Variants in MTUS2 observed in about 807,000 individuals in gnomAD.
The protein encoded by MTUS2 is microtubule associated scaffold protein 2, also known as microtubule-associated tumor suppressor candidate 2.
In MTUS2, 40 loss-of-function variants were observed where a neutral mutation model predicts 114.1. The ratio of observed to expected loss-of-function variants is 0.35; its 90% confidence interval spans 0.27 to 0.46. The LOEUF (loss-of-function observed/expected upper bound fraction) is 0.46. Among genes scored for constraint, MTUS2 ranks in the 20% least tolerant of loss-of-function variants. The pLI is 1.00. For missense variants in MTUS2, 1,679 were observed against 1,705.4 expected (o/e 0.98, Z 0.27); for synonymous variants, 688 against 672.0 (o/e 1.02, Z -0.37).
At chr13:28,847,332 G>GT (rs1214215616) in intron 2 of MTUS2, among the ~76,000 whole-genome samples, 1 of 152,104 alleles carries the variant, frequency 6.6e-6, no homozygotes, top group Non-Finnish European at 1.5e-5. Context: ...TGGAGTATAA[G>GT]TTTTTGCCTC....
At chr13:28,997,511 T>G (rs915924880) in intron 2 of MTUS2, among the ~76,000 whole-genome samples, 1 of 152,202 alleles carries the variant, frequency 6.6e-6, no homozygotes, top group South Asian at 2.1e-4. Flanking sequence ...CCCATTATTA[T>G]TGTTTGGGAG....
At chr13:29,035,403 G>A (rs894523194) in intron 4 of MTUS2, among the ~76,000 whole-genome samples, 1 of 152,156 alleles carries the variant, frequency 6.6e-6, no homozygotes, top group Non-Finnish European at 1.5e-5. Flanking sequence ...GGAGACCAGG[G>A]AGCTTTAGAG....
At chr13:29,037,508 G>A (rs1593408063) in intron 4 of MTUS2, among the ~76,000 whole-genome samples, 1 of 152,132 alleles carries the variant, frequency 6.6e-6, no homozygotes. Context: ...CTCTTCTTGA[G>A]GAGTATCTTT....
intron 8 of MTUS2, among the ~76,000 whole-genome samples, chr13:29,390,190 A>G (rs1169250656): frequency 6.6e-6 from 1 of 150,390 alleles, no homozygotes; most frequent in Non-Finnish European, 1.5e-5. Flanking sequence ...ATGAATATAT[A>G]TTTTTTCTAA....
intron 4 of MTUS2, among the ~76,000 whole-genome samples, chr13:29,050,177 G>A (rs1887825520): frequency 6.6e-6 from 1 of 152,074 alleles, no homozygotes; most frequent in Admixed American, 6.5e-5. Flanking sequence ...AACCCAAAAA[G>A]TGTTTTCTTT....
intron 2 of MTUS2, among the ~76,000 whole-genome samples, chr13:28,996,494 T>G (rs1348997181): frequency 2.6e-5 from 4 of 152,332 alleles, no homozygotes; most frequent in South Asian, 4.1e-4. Flanking sequence ...TCCTTGTACC[T>G]CTGGTAGAAT....
chr13:28,971,400 G>A (rs1883850384), intron 2 of MTUS2, among the ~76,000 whole-genome samples: 1 of 152,174 alleles, frequency 6.6e-6, no homozygotes, highest in Admixed American at 6.5e-5. Context: ...CCTAGGATAT[G>A]TCCGAAGGAA....
At chr13:28,844,648 ACT>A (rs1176794160) in intron 2 of MTUS2, among the ~76,000 whole-genome samples, 2 of 151,528 alleles carry the variant, frequency 1.3e-5, no homozygotes, top group Admixed American at 6.6e-5. Flanking sequence ...ACGGAGTCTA[ACT>A]CTGTAGCCCA....
chr13:29,360,689 C>CCG (rs1491301274), intron 8 of MTUS2, among the ~76,000 whole-genome samples: 3 of 3,144 alleles, frequency 9.5e-4, no homozygotes, highest in Non-Finnish European at 5.1e-3. Context: ...TAGCCGAACA[C>CCG]CCCCCCCCCC....
chr13:29,105,708 A>C (rs1183683743), intron 5 of MTUS2, among the ~76,000 whole-genome samples: 1 of 150,238 alleles, frequency 6.7e-6, no homozygotes, highest in African/African-American at 2.5e-5. Context: ...GTAGGGATAC[A>C]GCTGGGGAGG....
intron 2 of MTUS2, among the ~76,000 whole-genome samples, chr13:28,935,469 T>C (rs1566234876): frequency 2.0e-5 from 3 of 152,124 alleles, no homozygotes; most frequent in African/African-American, 4.8e-5. Flanking sequence ...AAGCCTTTTT[T>C]TTTTCTCCTT....
intron 4 of MTUS2, among the ~76,000 whole-genome samples, chr13:29,090,776 T>A (rs568707523): frequency 3.9e-5 from 6 of 152,336 alleles, no homozygotes; most frequent in African/African-American, 1.4e-4. Flanking sequence ...CTAAAGCCAC[T>A]TAGAGGATTC....
At chr13:28,987,954 G>T (rs1052101255) in intron 2 of MTUS2, among the ~76,000 whole-genome samples, 1 of 152,202 alleles carries the variant, frequency 6.6e-6, no homozygotes, top group African/African-American at 2.4e-5. Flanking sequence ...AATAGATCCT[G>T]CATTACTCTC....
At chr13:28,856,006 G>A (rs1013371851) in intron 2 of MTUS2, among the ~76,000 whole-genome samples, 12 of 152,022 alleles carry the variant, frequency 7.9e-5, no homozygotes, top group African/African-American at 2.4e-4. Flanking sequence ...TTTGATTTGC[G>A]TTTCTCTGAT....
intron 2 of MTUS2, among the ~76,000 whole-genome samples, chr13:28,869,109 C>T (rs888998703): frequency 1.3e-4 from 20 of 152,232 alleles, no homozygotes; most frequent in Non-Finnish European, 2.9e-4. Flanking sequence ...TGATAATCTG[C>T]ACCCCATTCA....
At chr13:29,152,613 G>A (rs375168625) in intron 5 of MTUS2, among the ~76,000 whole-genome samples, 3 of 152,174 alleles carry the variant, frequency 2.0e-5, no homozygotes, top group African/African-American at 7.2e-5. Flanking sequence ...GGCAAGATTT[G>A]GTTCATTGAC....
intron 5 of MTUS2, among the ~76,000 whole-genome samples, chr13:29,130,482 C>G (rs1024154273): frequency 5.9e-5 from 9 of 152,190 alleles, no homozygotes; most frequent in African/African-American, 1.9e-4. Context: ...CCAGTGAGGC[C>G]TGCTCAACTG....
intron 4 of MTUS2, among the ~76,000 whole-genome samples, chr13:29,037,102 T>C (rs1203442947): frequency 2.6e-5 from 4 of 152,218 alleles, no homozygotes; most frequent in African/African-American, 9.7e-5. Context: ...TTCTTAATAG[T>C]GTTGATGGTA....
At chr13:29,013,964 C>T (rs922843526) in intron 2 of MTUS2, among the ~76,000 whole-genome samples, 3 of 152,218 alleles carry the variant, frequency 2.0e-5, no homozygotes, top group Non-Finnish European at 2.9e-5. Context: ...ATATGTACGT[C>T]ATATCATTTT....
Sources: allele counts gnomAD v4.1 joint callset (sites outside exome capture counted in the v4.1 genomes callset), GRCh38; gene constraint gnomAD v4.1.1; transcripts MANE v1.5; gene names NCBI Gene and HGNC (gene_info 2026-07-23, HGNC 2026-07-21).